Variants in ZFYVE28 observed in about 807,000 individuals in gnomAD.
ZFYVE28 encodes the protein lateral signaling target protein 2 homolog.
In ZFYVE28, 40 loss-of-function variants were observed where a neutral mutation model predicts 82.1. That is an observed-to-expected ratio of 0.49 (90% confidence interval 0.38 to 0.63). The LOEUF (loss-of-function observed/expected upper bound fraction) is 0.63, where lower values mean the gene tolerates loss of function less well. Among genes scored for constraint, ZFYVE28 ranks in the 30% least tolerant of loss-of-function variants. ZFYVE28 has a pLI of 0.00. For synonymous variants in ZFYVE28, 612 were observed against 546.1 expected, an observed-to-expected ratio of 1.12 and a Z score of -1.68; for missense variants, 1,321 against 1,242.1, an observed-to-expected ratio of 1.06 and a Z score of -0.96.
At chr4:2,283,295 C>T (rs1384549591) in intron 8 of ZFYVE28, among the ~76,000 whole-genome samples, 5 of 150,960 alleles carry the variant, frequency 3.3e-5, no homozygotes, top group Non-Finnish European at 7.4e-5. Flanking sequence ...TACCCATCAT[C>T]CAATCTTCCA....
intron 1 of ZFYVE28, among the ~76,000 whole-genome samples, chr4:2,411,431 CT>C (rs1281619300): frequency 6.6e-6 from 1 of 152,230 alleles, no homozygotes; most frequent in Non-Finnish European, 1.5e-5. Context: ...TATCCATTCA[CT>C]TTTGTCTTCC....
At chr4:2,373,986 A>G (rs4246691) in intron 1 of ZFYVE28, among the ~76,000 whole-genome samples, 101,404 of 151,766 alleles carry the variant, frequency 0.67, 34,183 homozygotes, top group East Asian at 0.8. Context: ...TGCCTTTGCT[A>G]CCTCATCCCA....
intron 8 of ZFYVE28, among the ~76,000 whole-genome samples, chr4:2,302,980 G>A (rs1021746046): frequency 4.6e-5 from 7 of 152,328 alleles, no homozygotes; most frequent in Admixed American, 2.6e-4. Context: ...TCGTTAAGCC[G>A]AGCCATCGTA....
chr4:2,409,366 G>A lies in ZFYVE28; in HGVS notation c.39+8919C>T, dbSNP rs1560356676. ...TCTCGTCTCTCCCACAGCAGGCCTG[G>A]AAGGACCCCGCAAACAGCAGTGCTG... On this transcript the variant is annotated intron_variant, in intron 1 of 12. Coordinates refer to ENST00000290974, the MANE Select transcript of ZFYVE28 (RefSeq NM_020972.3). The surrounding 1 kb of genome is among the most constrained non-coding windows in gnomAD (Gnocchi z 4.4). 6.6e-6 allele frequency among the ~76,000 whole-genome samples: 1 copy of A among 152,084 alleles called. No individual in the cohort carries two copies. Among genetic ancestry groups the A allele is most frequent in the African/African-American group, 2.4e-5 (1 of 41,472 alleles).
At chr4:2,276,074 C>T (rs775192358) in intron 8 of ZFYVE28, among the ~76,000 whole-genome samples, 2 of 152,248 alleles carry the variant, frequency 1.3e-5, no homozygotes, top group Non-Finnish European at 2.9e-5. Flanking sequence ...GACACAGCCT[C>T]GTGACGTAAA....
chr4:2,307,777 G>A (rs1716813499), intron 7 of ZFYVE28, among the ~76,000 whole-genome samples: 2 of 151,918 alleles, frequency 1.3e-5, no homozygotes, highest in Non-Finnish European at 2.9e-5. Context: ...TACGGCATGA[G>A]CCACCATGCC....
chr4:2,330,961 G>A (rs1048519198), intron 6 of ZFYVE28: 57 of 1,535,126 alleles, frequency 3.7e-5, no homozygotes, highest in Non-Finnish European at 4.6e-5. Flanking sequence ...GATGGGTGAG[G>A]GCCCCTGAAG....
chr4:2,272,937 G>A (rs986908071), intron 10 of ZFYVE28, among the ~76,000 whole-genome samples: 12 of 152,226 alleles, frequency 7.9e-5, no homozygotes, highest in South Asian at 2.1e-4. Context: ...CTTCCTGGGC[G>A]GGCAGCCCAT....
chr4:2,311,395 A>G (rs1463460497), intron 7 of ZFYVE28, among the ~76,000 whole-genome samples: 1 of 152,092 alleles, frequency 6.6e-6, no homozygotes, highest in Non-Finnish European at 1.5e-5. Context: ...GTGTGGTGGC[A>G]GGCATCTGTA....
At chr4:2,282,255 C>T (rs1056227794) in intron 8 of ZFYVE28, among the ~76,000 whole-genome samples, 1 of 152,222 alleles carries the variant, frequency 6.6e-6, no homozygotes, top group African/African-American at 2.4e-5. Flanking sequence ...CTGCAACAGC[C>T]CCACTTCGGT....
chr4:2,344,891 ACT>A (rs1447122796), intron 2 of ZFYVE28, among the ~76,000 whole-genome samples: 2 of 148,560 alleles, frequency 1.3e-5, no homozygotes, highest in South Asian at 2.1e-4. Flanking sequence ...AGCAAAAAAA[ACT>A]CTGTCTCAAA....
intron 1 of ZFYVE28, among the ~76,000 whole-genome samples, chr4:2,364,265 C>T (rs571618220): frequency 5.3e-5 from 8 of 152,180 alleles, no homozygotes; most frequent in Non-Finnish European, 1.2e-4. Flanking sequence ...GGTGCTGAGC[C>T]CCCAGTCCCA....
chr4:2,345,950 T>C (rs1723476609), intron 2 of ZFYVE28, among the ~76,000 whole-genome samples: 1 of 152,096 alleles, frequency 6.6e-6, no homozygotes. Context: ...AAAAATATCT[T>C]TCAAAATCAA....
chr4:2,275,273 GT>G (rs1736311696), intron 8 of ZFYVE28, among the ~76,000 whole-genome samples: 1 of 152,252 alleles, frequency 6.6e-6, no homozygotes, highest in African/African-American at 2.4e-5. Flanking sequence ...CCTATAAATC[GT>G]TCACAGCTGG....
chr4:2,308,679 G>GAA (rs1560182445), intron 7 of ZFYVE28, among the ~76,000 whole-genome samples: 2 of 32,846 alleles, frequency 6.1e-5, no homozygotes, highest in African/African-American at 2.9e-4. Context: ...GAAAGAAAGA[G>GAA]AAAGAAAGAA....
At chr4:2,367,372 C>T (rs1180077891) in intron 1 of ZFYVE28, among the ~76,000 whole-genome samples, 1 of 152,232 alleles carries the variant, frequency 6.6e-6, no homozygotes, top group Non-Finnish European at 1.5e-5. Context: ...CCGCTCAAGC[C>T]CCCCGTTGCA....
intron 1 of ZFYVE28, among the ~76,000 whole-genome samples, chr4:2,358,048 G>A (rs540251812): frequency 2.6e-5 from 4 of 152,150 alleles, no homozygotes; most frequent in South Asian, 2.1e-4. Flanking sequence ...GACCAAAGAG[G>A]GGACTGAGCC....
chr4:2,379,951 C>T (rs1315904498), intron 1 of ZFYVE28, among the ~76,000 whole-genome samples: 1 of 152,060 alleles, frequency 6.6e-6, no homozygotes, highest in Non-Finnish European at 1.5e-5. Context: ...CAGTACCCAG[C>T]TAATTTTTGC....
intron 1 of ZFYVE28, among the ~76,000 whole-genome samples, chr4:2,374,374 G>A (rs960475655): frequency 2.6e-5 from 4 of 152,198 alleles, no homozygotes; most frequent in African/African-American, 9.7e-5. Context: ...AATTTTGGAC[G>A]GCCAAGGCGG....
Sources: allele counts gnomAD v4.1 joint callset (sites outside exome capture counted in the v4.1 genomes callset), GRCh38; gene constraint gnomAD v4.1.1; non-coding constraint Gnocchi (gnomAD v3.1); transcripts MANE v1.5; gene names NCBI Gene and HGNC (gene_info 2026-07-23, HGNC 2026-07-21).